DIP2C: variants seen among roughly 807,000 people sequenced by gnomAD.
DIP2C encodes the protein disco-interacting protein 2 homolog C.
Under a neutral mutation model 192.4 loss-of-function variants are expected in DIP2C, and 33 were observed. The ratio of observed to expected loss-of-function variants is 0.17; its 90% CI spans 0.13 to 0.23. The LOEUF is 0.23. DIP2C is among the 10% of genes least tolerant of loss of function. DIP2C has a pLI of 1.00. For missense variants in DIP2C, 1,537 were observed against 2,110.1 expected, an observed-to-expected ratio of 0.73 and a Z score of 5.32; for synonymous variants, 979 against 864.1, an observed-to-expected ratio of 1.13 and a Z score of -2.33.
At chr10:489,503 G>C (rs1214240775) in intron 1 of DIP2C, among the ~76,000 whole-genome samples, 1 of 152,260 alleles carries the variant, frequency 6.6e-6, no homozygotes, top group African/African-American at 2.4e-5. Flanking sequence ...TTCTTGGGTT[G>C]GGCCCAAGGC....
intron 1 of DIP2C, among the ~76,000 whole-genome samples, chr10:657,409 T>A: frequency 2.7e-4 from 1 of 3,666 alleles, no homozygotes; most frequent in South Asian, 0.017. Flanking sequence ...GGACCTGCCC[T>A]TGGACCTGTC....
intron 35 of DIP2C, 58 bp downstream of exon 35, chr10:283,214 C>CA: frequency 6.3e-7 from 1 of 1,575,238 alleles, no homozygotes; most frequent in South Asian, 1.2e-5. Flanking sequence ...TCTGTATCTA[C>CA]AGGAGCCTAA....
intron 32 of DIP2C, among the ~76,000 whole-genome samples, chr10:305,877 G>T (rs898161359): frequency 6.6e-6 from 1 of 151,828 alleles, no homozygotes; most frequent in African/African-American, 2.4e-5. Flanking sequence ...AACCTCTTGG[G>T]CTCCAGTGAT....
rs1564306253 is a variant in DIP2C, at chr10:651,018, C to G, written c.85+38476G>C. On this transcript the variant is annotated intron_variant, in intron 1 of 36. Transcript: ENST00000280886. The surrounding 1 kb of genome is among the most constrained non-coding windows in gnomAD (Gnocchi z 4.1). ...CCCGGTGCCAGGGCTCAGGCCCCAG[C>G]CCCCGTTTCTGCAGAAGCCCCTTTC... is the stretch of plus-strand genomic sequence containing the variant. 1.4e-6 allele frequency: 1 copy of G among 717,432 alleles called. No homozygotes were observed. Among genetic ancestry groups the G allele is most frequent in the Non-Finnish European group, 2.6e-6 (1 of 385,080 alleles). The allele number at this position is 717,432 out of a possible 1,614,324, so 44.4% of individuals were successfully genotyped here. A position where few individuals can be genotyped will look rare whatever the true frequency, so the allele number is the denominator to read the frequency against.
intron 28 of DIP2C, among the ~76,000 whole-genome samples, chr10:343,632 T>C (rs1958269178): frequency 6.6e-6 from 1 of 152,212 alleles, no homozygotes; most frequent in Non-Finnish European, 1.5e-5. Context: ...TGAGACTGAA[T>C]TTATACAACA....
chr10:304,339 G>T (rs1956204797), intron 32 of DIP2C, among the ~76,000 whole-genome samples: 1 of 152,244 alleles, frequency 6.6e-6, no homozygotes, highest in South Asian at 2.1e-4. Flanking sequence ...TCATTTAGGG[G>T]ACACTGTCTT....
chr10:387,939 G>A, intron 13 of DIP2C, 130 bp from the exon 14 acceptor site: 2 of 1,098,658 alleles, frequency 1.8e-6, no homozygotes, highest in South Asian at 1.4e-5. Context: ...GCCGTATCTT[G>A]GTGGAAATTC....
At chr10:527,191 C>T (rs7906612) in intron 1 of DIP2C, among the ~76,000 whole-genome samples, 30,686 of 152,160 alleles carry the variant, frequency 0.2, 5,235 homozygotes, top group African/African-American at 0.47. Flanking sequence ...GTGCGAAGTG[C>T]GGCAGTGGGT....
chr10:431,244 A>G (rs1289321818), intron 4 of DIP2C, among the ~76,000 whole-genome samples: 1 of 152,208 alleles, frequency 6.6e-6, no homozygotes, highest in Non-Finnish European at 1.5e-5. Flanking sequence ...TATTGAAAAA[A>G]AAACTCGTTC....
At chr10:553,748 C>G (rs563837446) in intron 1 of DIP2C, among the ~76,000 whole-genome samples, 1 of 149,946 alleles carries the variant, frequency 6.7e-6, no homozygotes, top group African/African-American at 2.5e-5. Context: ...ACTGTAACAG[C>G]GGCAAACAGG....
At chr10:619,541 G>GCCCTCCCTCCCTCCCTCCCTCCCT (rs1554757196) in intron 1 of DIP2C, among the ~76,000 whole-genome samples, 7 of 67,962 alleles carry the variant, frequency 1.0e-4, no homozygotes, top group East Asian at 4.5e-4. Context: ...CCGCCCGCCC[G>GCCCTCCCTCCCTCCCTCCCTCCCT]CCCTCCCACC....
intron 1 of DIP2C, among the ~76,000 whole-genome samples, chr10:638,836 T>C (rs900300251): frequency 1.1e-4 from 17 of 152,184 alleles, no homozygotes; most frequent in Admixed American, 9.2e-4. Flanking sequence ...TGGAAAGAGG[T>C]GCCCGCGAAG....
chr10:541,941 G>C (rs1258984205), intron 1 of DIP2C, among the ~76,000 whole-genome samples: 1 of 149,808 alleles, frequency 6.7e-6, no homozygotes, highest in South Asian at 2.1e-4. Flanking sequence ...TGTGCCTGGT[G>C]CACTGAGCCT....
Position 387,751 on chromosome 10 carries a change from G to A in DIP2C, c.1656C>T (p.Ile552=). 6.2e-7 allele frequency: 1 copy of A among 1,614,196 alleles called. No homozygotes were observed. The highest frequency in any genetic ancestry group is 8.5e-7 in the Non-Finnish European group (1 of 1,180,036). ...FKKDVGLWHG[I]LTSVMNMMHV... is the part of the protein sequence containing the mutation. ...CCGGGGGGACCTCACTTACTGTCAG[G>A]ATGCCATGCCAGAGCCCGACGTCCT... The change falls in exon 14 of 37, where the codon ATC becomes ATT. Residue 552 remains isoleucine, a synonymous_variant. Transcript: ENST00000280886.
intron 3 of DIP2C, among the ~76,000 whole-genome samples, chr10:449,551 GGAGT>G (rs559685224): frequency 1.8e-3 from 272 of 150,430 alleles, no homozygotes; most frequent in African/African-American, 5.9e-3. Flanking sequence ...TCCAGGCTAA[GGAGT>G]GAGTAAGGCA....
chr10:593,390 T>C lies in DIP2C; in HGVS notation c.85+96104A>G, dbSNP rs184124846. ...ACATCACCTTAGTGATAATTTATCC[T>C]GTAAATTCCAACTGCCTTCACACCT... On this transcript the variant is annotated intron_variant, in intron 1 of 36. Transcript: ENST00000280886. Among the ~76,000 whole-genome samples, 392 of 151,952 alleles carry C rather than the reference T, an allele frequency of 2.6e-3. 1 individual carries two copies. Among genetic ancestry groups the C allele is most frequent in the Middle Eastern group, 0.01 (3 of 294 alleles).
At chr10:427,172 A>C (rs1270251551) in intron 4 of DIP2C, among the ~76,000 whole-genome samples, 1 of 152,182 alleles carries the variant, frequency 6.6e-6, no homozygotes, top group Non-Finnish European at 1.5e-5. Flanking sequence ...TGGAGGCTTC[A>C]AAGGAGAATC....
At chr10:638,939 C>T (rs958860996) in intron 1 of DIP2C, among the ~76,000 whole-genome samples, 1 of 152,256 alleles carries the variant, frequency 6.6e-6, no homozygotes, top group African/African-American at 2.4e-5. Flanking sequence ...GGAGGAAACA[C>T]ACAAAAGACC....
intron 1 of DIP2C, among the ~76,000 whole-genome samples, chr10:552,350 C>T (rs191188761): frequency 6.6e-6 from 1 of 152,200 alleles, no homozygotes; most frequent in African/African-American, 2.4e-5. Flanking sequence ...AGGAACGGTG[C>T]TTGCTGGCTT....
Sources: allele counts gnomAD v4.1 joint callset (sites outside exome capture counted in the v4.1 genomes callset), GRCh38; gene constraint gnomAD v4.1.1; non-coding constraint Gnocchi (gnomAD v3.1); transcripts MANE v1.5; gene names NCBI Gene and HGNC (gene_info 2026-07-23, HGNC 2026-07-21).